MCTP1: variants seen among roughly 807,000 people sequenced by gnomAD.
MCTP1 encodes the protein multiple C2 and transmembrane domain containing 1.
MCTP1 carries 69 observed loss-of-function variants against 120.6 expected under a neutral mutation model. The ratio of observed to expected loss-of-function variants is 0.57; its 90% CI spans 0.47 to 0.70. MCTP1 has a LOEUF of 0.70. MCTP1 is among the 30% of genes least tolerant of loss of function. The pLI, the probability that MCTP1 is intolerant of heterozygous loss-of-function variation, is 0.00. For synonymous variants in MCTP1, 529 were observed against 493.1 expected (o/e 1.07, Z -0.96); for missense variants, 1,203 against 1,248.8 (o/e 0.96, Z 0.55).
At chr5:95,058,548 T>A (rs895985009) in intron 1 of MCTP1, among the ~76,000 whole-genome samples, 2 of 152,344 alleles carry the variant, frequency 1.3e-5, no homozygotes, top group African/African-American at 4.8e-5. Flanking sequence ...TTTCCAGAAC[T>A]GTTACGGGGT....
intron 2 of MCTP1, among the ~76,000 whole-genome samples, chr5:95,013,024 A>G (rs1267201017): frequency 6.6e-6 from 1 of 152,170 alleles, no homozygotes; most frequent in Admixed American, 6.5e-5. Flanking sequence ...AAAGATCTAG[A>G]AGGGCATTTA....
chr5:95,131,098 C>T (rs1296458814), intron 1 of MCTP1, among the ~76,000 whole-genome samples: 1 of 152,168 alleles, frequency 6.6e-6, no homozygotes, highest in Non-Finnish European at 1.5e-5. Flanking sequence ...CATCATTTCC[C>T]TTTGCCCCAC....
intron 1 of MCTP1, among the ~76,000 whole-genome samples, chr5:95,153,232 TC>T (rs770055900): frequency 6.6e-6 from 1 of 151,982 alleles, no homozygotes; most frequent in Non-Finnish European, 1.5e-5. Context: ...TGTTTGGCAT[TC>T]CCCCCGACCT....
chr5:94,794,243 A>AT (rs1291928058), intron 18 of MCTP1, among the ~76,000 whole-genome samples: 27 of 152,220 alleles, frequency 1.8e-4, no homozygotes, highest in East Asian at 1.9e-4. Context: ...ACATTGAAGA[A>AT]TTTTTTTGTG....
intron 17 of MCTP1, among the ~76,000 whole-genome samples, chr5:94,805,734 G>A (rs191085306): frequency 6.6e-6 from 1 of 151,342 alleles, no homozygotes; most frequent in Non-Finnish European, 1.5e-5. Flanking sequence ...TGGGAGGGCA[G>A]GGACTATTAC....
chr5:94,750,496 T>A (rs1460030728), intron 19 of MCTP1, among the ~76,000 whole-genome samples: 1 of 152,226 alleles, frequency 6.6e-6, no homozygotes, highest in Non-Finnish European at 1.5e-5. Flanking sequence ...CTGCTAAAAG[T>A]GACTTGCTCT....
chr5:95,115,295 G>A (rs1384110017), intron 1 of MCTP1, among the ~76,000 whole-genome samples: 2 of 152,054 alleles, frequency 1.3e-5, no homozygotes, highest in Non-Finnish European at 2.9e-5. Context: ...CAGCACCAGG[G>A]ACCAATCCTG....
At chr5:95,077,514 C>T (rs1753869904) in intron 1 of MCTP1, among the ~76,000 whole-genome samples, 1 of 151,852 alleles carries the variant, frequency 6.6e-6, no homozygotes, top group Non-Finnish European at 1.5e-5. Context: ...ACTCTGTCGC[C>T]CAGGCTGGAG....
chr5:94,995,201 C>T (rs534751110), intron 2 of MCTP1, among the ~76,000 whole-genome samples: 5 of 152,160 alleles, frequency 3.3e-5, no homozygotes, highest in Non-Finnish European at 7.4e-5. Context: ...ATATCTTTTA[C>T]ATCCGTGGTT....
intron 2 of MCTP1, among the ~76,000 whole-genome samples, chr5:94,970,282 T>G (rs1826508762): frequency 6.6e-6 from 1 of 151,882 alleles, no homozygotes; most frequent in South Asian, 2.1e-4. Context: ...CATGAATAAT[T>G]TGGGATACAT....
At chr5:95,211,422 A>G (rs954968135) in intron 1 of MCTP1, among the ~76,000 whole-genome samples, 1 of 151,922 alleles carries the variant, frequency 6.6e-6, no homozygotes, top group African/African-American at 2.4e-5. Context: ...CATTTAATTC[A>G]TTTCATCTTC....
chr5:95,091,223 C>G (rs917412726), intron 1 of MCTP1, among the ~76,000 whole-genome samples: 8 of 152,194 alleles, frequency 5.3e-5, no homozygotes, highest in South Asian at 2.1e-4. Flanking sequence ...GCCAATTGTT[C>G]TCCGAGGCTT....
intron 1 of MCTP1, among the ~76,000 whole-genome samples, chr5:95,171,006 C>T (rs561508272): frequency 7.2e-5 from 11 of 152,060 alleles, no homozygotes; most frequent in South Asian, 4.2e-4. Context: ...TTCCTAGTCT[C>T]GATGGTCTTT....
chr5:95,129,702 C>G (rs1381868858), intron 1 of MCTP1, among the ~76,000 whole-genome samples: 1 of 152,106 alleles, frequency 6.6e-6, no homozygotes, highest in South Asian at 2.1e-4. Flanking sequence ...CTCTGTCACC[C>G]AGGCTGGAGT....
intron 17 of MCTP1, among the ~76,000 whole-genome samples, chr5:94,855,801 C>G (rs777633347): frequency 2.0e-5 from 3 of 151,756 alleles, no homozygotes; most frequent in Non-Finnish European, 4.4e-5. Context: ...ATGAGATAAA[C>G]AAGCTCTTTG....
intron 1 of MCTP1, among the ~76,000 whole-genome samples, chr5:95,178,920 C>T (rs189601209): frequency 6.6e-6 from 1 of 151,936 alleles, no homozygotes; most frequent in Admixed American, 6.6e-5. Context: ...TTAAAGAAAT[C>T]AAAAACATGA....
intron 19 of MCTP1, among the ~76,000 whole-genome samples, chr5:94,743,631 ATTTTT>A (rs34620641): frequency 1.2e-5 from 1 of 86,658 alleles, no homozygotes; most frequent in Non-Finnish European, 2.2e-5. Flanking sequence ...CAAAATCCAC[ATTTTT>A]TTTTTTTTTT....
chr5:94,861,841 G>A (rs1795858879), intron 17 of MCTP1, among the ~76,000 whole-genome samples: 1 of 151,592 alleles, frequency 6.6e-6, no homozygotes, highest in African/African-American at 2.4e-5. Flanking sequence ...ATTTTTAAAG[G>A]GTCTTATAAA....
chr5:95,195,693 A>T (rs1750308515), intron 1 of MCTP1, among the ~76,000 whole-genome samples: 2 of 152,256 alleles, frequency 1.3e-5, no homozygotes, highest in Non-Finnish European at 2.9e-5. Context: ...CTTCAACATA[A>T]ACACAGCAGA....
Sources: gnomAD v4.1 joint callset for allele counts (sites outside exome capture counted in the v4.1 genomes callset) on GRCh38, gnomAD v4.1.1 for gene constraint, MANE v1.5 for transcripts, NCBI Gene and HGNC (gene_info 2026-07-23, HGNC 2026-07-21) for gene names.